NUP153: variants seen among roughly 807,000 people sequenced by gnomAD.
NUP153 encodes the protein nuclear pore complex protein Nup153.
In NUP153, 27 loss-of-function variants were observed where a neutral mutation model predicts 134.6. That is an observed-to-expected ratio of 0.20 (90% CI 0.15 to 0.28). The LOEUF (loss-of-function observed/expected upper bound fraction) is 0.28, where lower values mean the gene tolerates loss of function less well. Ranked by LOEUF, NUP153 falls within the 10% of genes least tolerant of loss-of-function variation. The pLI is 1.00. For synonymous variants in NUP153, 640 were observed against 623.5 expected, an observed-to-expected ratio of 1.03 and a Z score of -0.40; for missense variants, 1,821 against 1,731.3, an observed-to-expected ratio of 1.05 and a Z score of -0.92.
chr6:17,647,892 G>A lies in NUP153; in HGVS notation c.1547C>T (p.Ser516Phe). ...CATGGGACTGCCAGTGCTGCTCGGA[G>A]AGGTCATTTGTACCTGGTTTTCCAA... is the stretch of plus-strand genomic sequence containing the variant. ...QALTNKVQMT[S>F]PSSTGSPMFK... Residue 516 changes from serine to phenylalanine, a missense_variant, in exon 13 of 22, where the codon TCT (serine) becomes TTT (phenylalanine). By Grantham distance (155) the Ser-to-Phe change is radical. Coordinates refer to ENST00000262077, the MANE Select transcript of NUP153 (RefSeq NM_005124.4). The A allele has an allele frequency of 6.2e-7, 1 of 1,609,786 alleles. No homozygotes were observed. Among genetic ancestry groups the A allele is most frequent in the Non-Finnish European group, 8.5e-7 (1 of 1,177,472 alleles).
intron 20 of NUP153, among the ~76,000 whole-genome samples, chr6:17,620,089 C>T: frequency 1.4e-5 from 1 of 73,654 alleles, no homozygotes; most frequent in East Asian, 4.1e-4. Flanking sequence ...CAGAGCAAGA[C>T]ACCATCAAAA....
chr6:17,667,514 G>GCTAC (rs1315305588), intron 8 of NUP153, among the ~76,000 whole-genome samples: 10 of 152,052 alleles, frequency 6.6e-5, no homozygotes, highest in Non-Finnish European at 1.3e-4. Context: ...AGAGATCAAG[G>GCTAC]CTACCCTGGC....
At chr6:17,635,475 A>G (rs1765504426) in intron 16 of NUP153, among the ~76,000 whole-genome samples, 1 of 152,066 alleles carries the variant, frequency 6.6e-6, no homozygotes, top group East Asian at 1.9e-4. Context: ...GATCTCAGGT[A>G]ACTGCAACCT....
At chr6:17,645,860 A>G (rs1437708441) in intron 14 of NUP153, among the ~76,000 whole-genome samples, 2 of 152,196 alleles carry the variant, frequency 1.3e-5, no homozygotes, top group Non-Finnish European at 2.9e-5. Flanking sequence ...CCAAACTGAC[A>G]CTTCCATTTA....
chr6:17,643,235 C>T (rs1254759521), intron 14 of NUP153, among the ~76,000 whole-genome samples: 2 of 152,142 alleles, frequency 1.3e-5, no homozygotes, highest in African/African-American at 2.4e-5. Flanking sequence ...CACTCTGAGA[C>T]GCCTAGGCGG....
chr6:17,671,308 T>C (rs1187943202), intron 5 of NUP153, among the ~76,000 whole-genome samples: 1 of 152,164 alleles, frequency 6.6e-6, no homozygotes, highest in Non-Finnish European at 1.5e-5. Flanking sequence ...GGTAATAATG[T>C]TGGCCTCATA....
chr6:17,645,919 G>T, intron 14 of NUP153, 148 bp downstream of exon 14: 1 of 420,650 alleles, frequency 2.4e-6, no homozygotes. Flanking sequence ...CCGTCAAAAA[G>T]GTTAAATAAT....
At chr6:17,634,438 T>C (rs1033278737) in intron 16 of NUP153, among the ~76,000 whole-genome samples, 4 of 143,392 alleles carry the variant, frequency 2.8e-5, no homozygotes, top group Non-Finnish European at 4.8e-5. Context: ...AGGCCTTACA[T>C]ACATTTTTTT....
chr6:17,634,106 AC>A (rs201371877), intron 16 of NUP153, among the ~76,000 whole-genome samples: 20 of 144,852 alleles, frequency 1.4e-4, no homozygotes, highest in South Asian at 9.1e-4. Flanking sequence ...TGGTTCATGA[AC>A]CCCCCCCATT....
chr6:17,690,899 G>A (rs1242141347), intron 1 of NUP153, among the ~76,000 whole-genome samples: 2 of 152,128 alleles, frequency 1.3e-5, no homozygotes, highest in African/African-American at 2.4e-5. Context: ...CAGCACTTTG[G>A]GAGGCCGAGG....
In NUP153 at chr6:17,703,627, G is replaced by A. The variant is rs1000690984; in HGVS notation, c.111+2650C>T. Among the ~76,000 whole-genome samples the A allele has an allele frequency of 6.0e-5, 9 of 149,900 alleles. No homozygotes were observed. The Admixed American group carries it at 6.0e-4, about 10-fold the overall frequency. ...CTATGTCCACCAAAGCCTCAATAAGGACTAAAGAAAGTCCTTATTTTTAAG... is the reference window on the plus strand; with the variant it reads ...CTATGTCCACCAAAGCCTCAATAAGAACTAAAGAAAGTCCTTATTTTTAAG... On this transcript the variant is annotated intron_variant, in intron 1 of 21. Coordinates refer to ENST00000262077, the MANE Select transcript of NUP153 (RefSeq NM_005124.4).
At chr6:17,639,377 CA>C (rs1765726471) in intron 15 of NUP153, among the ~76,000 whole-genome samples, 1 of 152,098 alleles carries the variant, frequency 6.6e-6, no homozygotes, top group Non-Finnish European at 1.5e-5. Flanking sequence ...CCGCGCCTGG[CA>C]AGTTTTACAT....
chr6:17,680,287 G>A lies in NUP153; in HGVS notation c.335-4517C>T, dbSNP rs1233576073. On this transcript the variant is annotated intron_variant, in intron 2 of 21. Transcript: ENST00000262077. The surrounding 1 kb of genome is among the most constrained non-coding windows in gnomAD (Gnocchi z 4.5). Reference sequence around the variant, plus strand: ...ATACAGACCATGGACGTGAACACAGGGCCCAGAAATAAACTACCATATATG... The same window carrying A: ...ATACAGACCATGGACGTGAACACAGAGCCCAGAAATAAACTACCATATATG... Among the ~76,000 whole-genome samples the A allele has an allele frequency of 6.6e-6, 1 of 152,094 alleles. No individual in the cohort carries two copies. Among genetic ancestry groups the A allele is most frequent in the Non-Finnish European group, 1.5e-5 (1 of 68,026 alleles).
Position 17,691,965 on chromosome 6 carries a change from T to C in NUP153, c.112-3347A>G, listed in dbSNP as rs1769303782. On this transcript the variant is annotated intron_variant, in intron 1 of 21. Transcript: ENST00000262077. ...ACAGGCCGACTACCACATCCAGCTA[T>C]AGCAATTCTAGAATTTAATGTAGAT... Among the ~76,000 whole-genome samples the C allele has an allele frequency of 2.6e-5, 4 of 152,286 alleles. 1 individual carries two copies. The South Asian group carries it at 8.3e-4, about 32-fold the overall frequency.
chr6:17,679,358 T>C lies in NUP153; in HGVS notation c.335-3588A>G, dbSNP rs142119689. On this transcript the variant is annotated intron_variant, in intron 2 of 21. Transcript: ENST00000262077. Reference sequence around the variant, plus strand: ...TGTGCACATGGAAACTACAAAACAGTACCGAAAGAAAGAAAACAGAAATGG... The same window carrying C: ...TGTGCACATGGAAACTACAAAACAGCACCGAAAGAAAGAAAACAGAAATGG... Among the ~76,000 whole-genome samples, 51 of 152,258 alleles carry C rather than the reference T, an allele frequency of 3.3e-4. 1 individual carries two copies. In the East Asian group the frequency reaches 9.4e-3, roughly 28 times the overall value.
chr6:17,703,342 T>TA (rs1770251332), intron 1 of NUP153, among the ~76,000 whole-genome samples: 1 of 152,142 alleles, frequency 6.6e-6, no homozygotes, highest in Admixed American at 6.6e-5. Context: ...AGGTACTGGG[T>TA]GACTGTACTA....
intron 11 of NUP153, among the ~76,000 whole-genome samples, chr6:17,653,106 A>G (rs528126223): frequency 6.6e-6 from 1 of 152,204 alleles, no homozygotes; most frequent in South Asian, 2.1e-4. Context: ...ATAAAAAATT[A>G]GCCGGGCATG....
chr6:17,669,034 A>G lies in NUP153; in HGVS notation c.1015-6T>C. On this transcript the variant is annotated splice_polypyrimidine_tract_variant and splice_region_variant and intron_variant, in intron 7 of 21. Coordinates refer to ENST00000262077, the MANE Select transcript of NUP153 (RefSeq NM_005124.4). Reference sequence around the variant, plus strand: ...ATCCCACTCCTATCAAGAGGCTGAAAAAAAAAAAAAACACTATTAGAATAG... The same window carrying G: ...ATCCCACTCCTATCAAGAGGCTGAAGAAAAAAAAAAACACTATTAGAATAG... 6.7e-7 allele frequency: 1 copy of G among 1,483,426 alleles called. No homozygotes were observed. The highest frequency in any genetic ancestry group is 9.0e-7 in the Non-Finnish European group (1 of 1,112,688). The allele number at this position is 1,483,426 out of a possible 1,614,324, so 91.9% of individuals were successfully genotyped here.
chr6:17,679,555 C>G (rs1768450117), intron 2 of NUP153, among the ~76,000 whole-genome samples: 1 of 152,204 alleles, frequency 6.6e-6, no homozygotes, highest in Admixed American at 6.5e-5. Flanking sequence ...CTCAAAATGC[C>G]AAAATAATCT....
Sources: gnomAD v4.1 joint callset for allele counts (sites outside exome capture counted in the v4.1 genomes callset) on GRCh38, gnomAD v4.1.1 for gene constraint, Gnocchi (gnomAD v3.1) non-coding constraint, MANE v1.5 for transcripts, NCBI Gene and HGNC (gene_info 2026-07-23, HGNC 2026-07-21) for gene names.